SPOCK3: variants seen among roughly 807,000 people sequenced by gnomAD.
SPOCK3 encodes the protein testican-3.
A neutral mutation model predicts 56.6 loss-of-function variants in SPOCK3; 30 were observed. The observed-to-expected ratio is 0.53, with a 90% CI of 0.40 to 0.72. The LOEUF (loss-of-function observed/expected upper bound fraction) is 0.72. Among genes scored for constraint, SPOCK3 ranks in the 30% least tolerant of loss-of-function variants. SPOCK3 has a pLI of 0.00. For synonymous variants in SPOCK3, 196 were observed against 183.3 expected (o/e 1.07, Z -0.56); for missense variants, 527 against 530.0 (o/e 0.99, Z 0.06).
chr4:166,750,251 A>C (rs2126465606), intron 8 of SPOCK3, among the ~76,000 whole-genome samples: 1 of 152,308 alleles, frequency 6.6e-6, no homozygotes, highest in Non-Finnish European at 1.5e-5. Context: ...TCTATCATTT[A>C]AACTCACTTG....
chr4:167,220,367 T>C (rs1197419466), intron 2 of SPOCK3, among the ~76,000 whole-genome samples: 2 of 140,216 alleles, frequency 1.4e-5, no homozygotes, highest in Admixed American at 7.7e-5. Context: ...AAACAACAGA[T>C]ACTGTAAGAA....
intron 2 of SPOCK3, among the ~76,000 whole-genome samples, chr4:167,216,690 T>C (rs1735395794): frequency 6.6e-6 from 1 of 152,112 alleles, no homozygotes; most frequent in African/African-American, 2.4e-5. Flanking sequence ...AATGATGGCA[T>C]TGCACAGCTC....
chr4:167,144,523 G>A (rs929976138), intron 2 of SPOCK3, among the ~76,000 whole-genome samples: 1 of 151,798 alleles, frequency 6.6e-6, no homozygotes. Flanking sequence ...TAGGTTTTGG[G>A]CTTAACAAGC....
chr4:167,065,003 C>G (rs1473460990), intron 2 of SPOCK3, among the ~76,000 whole-genome samples: 1 of 127,458 alleles, frequency 7.8e-6, no homozygotes, highest in African/African-American at 3.1e-5. Flanking sequence ...CCATAAACTC[C>G]TCCTCCTCCT....
chr4:167,154,326 A>C (rs772928246), intron 2 of SPOCK3, among the ~76,000 whole-genome samples: 2 of 152,030 alleles, frequency 1.3e-5, no homozygotes, highest in Non-Finnish European at 2.9e-5. Flanking sequence ...TGAGCAGCTC[A>C]ATTTTGGTGC....
At chr4:167,158,185 A>AT (rs1764973988) in intron 2 of SPOCK3, among the ~76,000 whole-genome samples, 1 of 151,974 alleles carries the variant, frequency 6.6e-6, no homozygotes, top group African/African-American at 2.4e-5. Context: ...GTTTACAGTA[A>AT]TTTTAATCTC....
chr4:166,998,349 G>A (rs1400180035), intron 4 of SPOCK3, among the ~76,000 whole-genome samples: 1 of 151,990 alleles, frequency 6.6e-6, no homozygotes, highest in Non-Finnish European at 1.5e-5. Flanking sequence ...CCCTATTAAG[G>A]ATCTTTCAAT....
intron 6 of SPOCK3, among the ~76,000 whole-genome samples, chr4:166,841,834 C>T (rs1747390429): frequency 6.6e-6 from 1 of 152,168 alleles, no homozygotes; most frequent in African/African-American, 2.4e-5. Flanking sequence ...CCCATTGTGT[C>T]TAAAATCGTT....
chr4:166,811,661 A>G (rs1055102905), intron 6 of SPOCK3, among the ~76,000 whole-genome samples: 3 of 151,852 alleles, frequency 2.0e-5, no homozygotes, highest in Admixed American at 6.6e-5. Flanking sequence ...TGCTAAATTT[A>G]GTAATATGGA....
chr4:166,819,033 T>C (rs1428143982), intron 6 of SPOCK3, among the ~76,000 whole-genome samples: 2 of 152,060 alleles, frequency 1.3e-5, no homozygotes, highest in Non-Finnish European at 2.9e-5. Context: ...CTGGTAATAT[T>C]TGGACAAACA....
At chr4:167,207,995 T>C (rs1001495880) in intron 2 of SPOCK3, among the ~76,000 whole-genome samples, 1 of 152,192 alleles carries the variant, frequency 6.6e-6, no homozygotes, top group Non-Finnish European at 1.5e-5. Flanking sequence ...TAAATGGCCT[T>C]CTGAGCTTCT....
intron 4 of SPOCK3, among the ~76,000 whole-genome samples, chr4:166,935,823 G>T (rs972928235): frequency 6.6e-6 from 1 of 152,170 alleles, no homozygotes; most frequent in African/African-American, 2.4e-5. Flanking sequence ...GATAGCAGTG[G>T]AGGTGATGAG....
At chr4:167,097,898 C>T (rs1186032023) in intron 2 of SPOCK3, among the ~76,000 whole-genome samples, 4 of 151,996 alleles carry the variant, frequency 2.6e-5, no homozygotes, top group Admixed American at 6.6e-5. Context: ...TTTGCAGCAA[C>T]ATGGATGCAG....
chr4:167,182,032 T>G (rs1291851780), intron 2 of SPOCK3, among the ~76,000 whole-genome samples: 1 of 152,150 alleles, frequency 6.6e-6, no homozygotes, highest in Non-Finnish European at 1.5e-5. Context: ...GCAGAAAAAT[T>G]AGAACTTCAT....
chr4:167,233,875 C>T (rs1580708403), intron 2 of SPOCK3, 110 bp downstream of exon 2: 5 of 938,770 alleles, frequency 5.3e-6, no homozygotes, highest in East Asian at 2.4e-5. Context: ...TTTCCCTAAA[C>T]CCCTCTCCTC....
chr4:166,766,769 T>G (rs13113318), intron 7 of SPOCK3, among the ~76,000 whole-genome samples: 50,065 of 151,772 alleles, frequency 0.33, 8,388 homozygotes, highest in Admixed American at 0.42. Context: ...AATGGTACCA[T>G]CTCCTCCTTG....
At chr4:167,109,343 TAATAA>T (rs1351470248) in intron 2 of SPOCK3, among the ~76,000 whole-genome samples, 9 of 76,432 alleles carry the variant, frequency 1.2e-4, no homozygotes, top group Non-Finnish European at 2.1e-4. Flanking sequence ...TAATATTATA[TAATAA>T]AATAAATATA....
intron 6 of SPOCK3, among the ~76,000 whole-genome samples, chr4:166,845,281 T>C (rs1404809434): frequency 3.3e-5 from 5 of 152,148 alleles, no homozygotes; most frequent in Admixed American, 6.5e-5. Flanking sequence ...AAAAGAACAA[T>C]TGGTAAACCA....
chr4:166,805,065 T>C (rs919560071), intron 6 of SPOCK3, among the ~76,000 whole-genome samples: 2 of 152,116 alleles, frequency 1.3e-5, no homozygotes, highest in Admixed American at 1.3e-4. Context: ...GAACAATATT[T>C]TCTTCTGGGC....
Sources: gnomAD v4.1 joint callset for allele counts (sites outside exome capture counted in the v4.1 genomes callset) on GRCh38, gnomAD v4.1.1 for gene constraint, MANE v1.5 for transcripts, NCBI Gene and HGNC (gene_info 2026-07-23, HGNC 2026-07-21) for gene names.